The following BCAS3 variants were observed in gnomAD, a reference collection of about 807,000 sequenced individuals.
BCAS3 encodes BCAS4/BCAS3 fusion.
Under a neutral mutation model 116.1 loss-of-function variants are expected in BCAS3, and 53 were observed. That is an observed-to-expected ratio of 0.46 (90% CI 0.37 to 0.57). The LOEUF is 0.57. Among genes scored for constraint, BCAS3 ranks in the 20% least tolerant of loss-of-function variants. The pLI is 0.00. For missense variants in BCAS3, 917 were observed against 1,165.4 expected, an observed-to-expected ratio of 0.79 and a Z score of 3.10; for synonymous variants, 391 against 408.2, an observed-to-expected ratio of 0.96 and a Z score of 0.51.
At chr17:60,725,062 C>T (rs1015781088) in intron 5 of BCAS3, among the ~76,000 whole-genome samples, 3 of 152,102 alleles carry the variant, frequency 2.0e-5, no homozygotes, top group Non-Finnish European at 2.9e-5. Context: ...CATTATGTTA[C>T]GCAGGCTGGC....
Position 61,368,256 on chromosome 17 carries a change from G to A in BCAS3, c.2426-71G>A. ...ACCCTGGGTATGGAGAGGAGCGGGT[G>A]GGAGGTAGACAAGAATGGCCTGCTC... is the stretch of plus-strand genomic sequence containing the variant. On this transcript the variant is annotated intron_variant, in intron 22 of 23. Transcript: ENST00000407086. The surrounding 1 kb of genome is among the most constrained non-coding windows in gnomAD (Gnocchi z 6.0). The A allele has an allele frequency of 1.4e-6, 2 of 1,480,636 alleles. No individual in the cohort carries two copies. The highest frequency in any genetic ancestry group is 9.2e-7 in the Non-Finnish European group (1 of 1,092,584). The allele number at this position is 1,480,636 out of a possible 1,614,324, so 91.7% of individuals were successfully genotyped here.
At chr17:60,919,860 C>T (rs558582051) in intron 12 of BCAS3, among the ~76,000 whole-genome samples, 74 of 152,062 alleles carry the variant, frequency 4.9e-4, no homozygotes, top group Admixed American at 2.6e-3. Flanking sequence ...CTCCAACTAC[C>T]GCTAAGAAAT....
chr17:61,362,993 G>C lies in BCAS3; in HGVS notation c.2426-5334G>C, dbSNP rs976762132. On this transcript the variant is annotated intron_variant, in intron 22 of 23. Transcript: ENST00000407086. This position sits in a 1 kb window ranked among gnomAD's most constrained non-coding sequence, Gnocchi z 4.4. The stretch of plus-strand genomic sequence containing the variant: ...AACTGACTGTCAAATTTCATAAGTA[G>C]TCAATAAACGAACCTGTTTTGAGCA... Among the ~76,000 whole-genome samples the C allele has an allele frequency of 6.6e-6, 1 of 152,196 alleles. No individual in the cohort carries two copies. Among genetic ancestry groups the C allele is most frequent in the Non-Finnish European group, 1.5e-5 (1 of 68,038 alleles).
chr17:61,360,019 T>TG (rs2143435577), intron 22 of BCAS3, among the ~76,000 whole-genome samples: 1 of 151,208 alleles, frequency 6.6e-6, no homozygotes, highest in Non-Finnish European at 1.5e-5. Flanking sequence ...TCTTTTTTTT[T>TG]TTTTTGAGAC....
chr17:61,263,446 A>G (rs1230563995), intron 22 of BCAS3, among the ~76,000 whole-genome samples: 1 of 152,210 alleles, frequency 6.6e-6, no homozygotes, highest in African/African-American at 2.4e-5. Context: ...TTCTCTTTCC[A>G]TTGACTCTCA....
chr17:61,177,113 A>T (rs999666899), intron 22 of BCAS3, among the ~76,000 whole-genome samples: 1 of 152,232 alleles, frequency 6.6e-6, no homozygotes, highest in African/African-American at 2.4e-5. Context: ...GAAATAGAAA[A>T]TTGTACAAAT....
chr17:60,846,319 A>G (rs897139152), intron 7 of BCAS3, among the ~76,000 whole-genome samples: 2 of 152,196 alleles, frequency 1.3e-5, no homozygotes, highest in South Asian at 2.1e-4. Flanking sequence ...TTGCATATGT[A>G]TACACAGGGA....
chr17:61,287,405 C>T (rs934265870), intron 22 of BCAS3, among the ~76,000 whole-genome samples: 1 of 151,838 alleles, frequency 6.6e-6, no homozygotes, highest in Non-Finnish European at 1.5e-5. Context: ...AACGTGGAGT[C>T]AGCTTGAGGG....
chr17:61,318,775 G>A (rs1253980488), intron 22 of BCAS3, among the ~76,000 whole-genome samples: 1 of 152,198 alleles, frequency 6.6e-6, no homozygotes, highest in Non-Finnish European at 1.5e-5. Flanking sequence ...TGTCTTTGAA[G>A]TTGGTCCCAT....
At chr17:60,685,488 A>G (rs1359604634) in intron 3 of BCAS3, among the ~76,000 whole-genome samples, 1 of 151,170 alleles carries the variant, frequency 6.6e-6, no homozygotes, top group African/African-American at 2.4e-5. Flanking sequence ...AGTCTTTGAT[A>G]TTAGATCTGA....
chr17:60,991,247 A>G (rs1433955280), intron 15 of BCAS3, among the ~76,000 whole-genome samples: 1 of 152,170 alleles, frequency 6.6e-6, no homozygotes, highest in East Asian at 1.9e-4. Flanking sequence ...TTAACATTAT[A>G]TTTGTGAGAT....
Position 60,942,293 on chromosome 17 carries a change from G to A in BCAS3, c.1088-4926G>A, listed in dbSNP as rs866315565. ...ATACAAAAAATTAGCTGGGCGTGGC[G>A]GCGGGCGCCTGTGGTCCCAGCTACT... On this transcript the variant is annotated intron_variant, in intron 13 of 23. Coordinates refer to ENST00000407086, the MANE Select transcript of BCAS3 (RefSeq NM_017679.5). Among the ~76,000 whole-genome samples, 9 of 152,238 alleles carry A rather than the reference G, an allele frequency of 5.9e-5. No individual in the cohort carries two copies. The South Asian group carries it at 1.0e-3, about 18-fold the overall frequency.
In BCAS3 at chr17:61,222,743, C is replaced by T. The variant is rs987018959; in HGVS notation, c.2425+138179C>T. Among the ~76,000 whole-genome samples, 2 of 152,164 alleles carry T rather than the reference C, an allele frequency of 1.3e-5. No individual in the cohort carries two copies. The highest frequency in any genetic ancestry group is 4.8e-5 in the African/African-American group (2 of 41,424). ...TTGGTCAAGGTGGGCCATGGCCACT[C>T]TGCGACTCCAGGTCGATTCGTCTGC... On this transcript the variant is annotated intron_variant, in intron 22 of 23. Transcript: ENST00000407086. The surrounding 1 kb of genome is among the most constrained non-coding windows in gnomAD (Gnocchi z 6.1).
rs2055488523 is a variant in BCAS3, at chr17:61,323,586, A to G, written c.2426-44741A>G. ...TTGAGAAATATCTTAGCTGTTCTCA[A>G]AATTATAAACTCGGGAGTGTGGAGG... On this transcript the variant is annotated intron_variant, in intron 22 of 23. Coordinates refer to ENST00000407086, the MANE Select transcript of BCAS3 (RefSeq NM_017679.5). The surrounding 1 kb of genome is among the most constrained non-coding windows in gnomAD (Gnocchi z 4.6). Among the ~76,000 whole-genome samples, 1 of 152,250 alleles carries G rather than the reference A, an allele frequency of 6.6e-6. No individual in the cohort carries two copies. Among genetic ancestry groups the G allele is most frequent in the South Asian group, 2.1e-4 (1 of 4,830 alleles).
chr17:60,774,701 T>A (rs1846703361), intron 6 of BCAS3, among the ~76,000 whole-genome samples: 1 of 152,240 alleles, frequency 6.6e-6, no homozygotes, highest in Non-Finnish European at 1.5e-5. Flanking sequence ...TTAAGAGAGC[T>A]AGATAGTATT....
Position 60,919,838 on chromosome 17 carries a change from A to G in BCAS3, c.994-4569A>G, listed in dbSNP as rs566149067. Among the ~76,000 whole-genome samples the G allele has an allele frequency of 2.1e-3, 322 of 152,300 alleles. 1 individual carries two copies. The highest frequency in any genetic ancestry group is 7.6e-3 in the African/African-American group (315 of 41,568). The stretch of plus-strand genomic sequence containing the variant: ...TGAAATAGATGATAAGTTAATATGC[A>G]TATTGTAATCCCTCCAACTACCGCT... On this transcript the variant is annotated intron_variant, in intron 12 of 23. Transcript: ENST00000407086.
intron 23 of BCAS3, among the ~76,000 whole-genome samples, chr17:61,382,467 G>C (rs113773885): frequency 0.014 from 2,116 of 151,466 alleles, 51 homozygotes; most frequent in African/African-American, 0.049. Context: ...TCACCATGTT[G>C]GTCAGGCTGG....
Position 61,246,533 on chromosome 17 carries a change from C to T in BCAS3, c.2426-121794C>T, listed in dbSNP as rs7213503. Among the ~76,000 whole-genome samples the T allele has an allele frequency of 9.2e-3, 1,391 of 150,590 alleles. 14 individuals carry two copies. Among genetic ancestry groups the T allele is most frequent in the African/African-American group, 0.032 (1,294 of 40,770 alleles). ...GTTTCCCCCAGTCCCCTAGGTCTCT[C>T]CTTTTACTTCCGCAACCAACCAGAA... On this transcript the variant is annotated intron_variant, in intron 22 of 23. Transcript: ENST00000407086.
intron 5 of BCAS3, among the ~76,000 whole-genome samples, chr17:60,725,093 C>T (rs1359297105): frequency 1.3e-5 from 2 of 152,192 alleles, no homozygotes; most frequent in Non-Finnish European, 2.9e-5. Flanking sequence ...TGGCCCAAAG[C>T]AGTCCATCTG....
Sources: allele counts gnomAD v4.1 joint callset (sites outside exome capture counted in the v4.1 genomes callset), GRCh38; gene constraint gnomAD v4.1.1; non-coding constraint Gnocchi (gnomAD v3.1); transcripts MANE v1.5; gene names NCBI Gene and HGNC (gene_info 2026-07-23, HGNC 2026-07-21).